The following MSRB2 variants were observed in gnomAD, a reference collection of about 807,000 sequenced individuals.
MSRB2 encodes methionine-R-sulfoxide reductase B2, mitochondrial.
In MSRB2, 17 loss-of-function variants were observed where a neutral mutation model predicts 19.0. The observed-to-expected ratio is 0.89, with a 90% CI of 0.61 to 1.34. The LOEUF is 1.34. MSRB2 is among the 40% of genes most tolerant of loss of function. MSRB2 has a pLI of 0.00. For synonymous variants in MSRB2, 107 were observed against 99.7 expected, an observed-to-expected ratio of 1.07 and a Z score of -0.44; for missense variants, 208 against 237.6, an observed-to-expected ratio of 0.88 and a Z score of 0.82.
rs988832837 is a variant in MSRB2, at chr10:23,121,956, C to A, written c.*1094C>A. The A allele has an allele frequency of 6.6e-6, 1 of 152,148 alleles. No individual in the cohort carries two copies. The highest frequency in any genetic ancestry group is 1.5e-5 in the Non-Finnish European group (1 of 68,036). 9.4% of individuals were successfully genotyped at this position (152,148 alleles called of 1,614,324 possible). A position where few individuals can be genotyped will look rare whatever the true frequency, so the allele number is the denominator to read the frequency against. On this transcript the variant is annotated 3_prime_UTR_variant, in exon 5 of 5. Transcript: ENST00000376510. Reference sequence around the variant, plus strand: ...TTATGAATAAATGTTCACCTTCATACCTTCTGGTTACAAAGCTAAACTTTA... The same window carrying A: ...TTATGAATAAATGTTCACCTTCATAACTTCTGGTTACAAAGCTAAACTTTA...
chr10:23,120,853 G>A lies in MSRB2; in HGVS notation c.540G>A (p.Arg180=), dbSNP rs1840174034. Reference sequence around the variant, plus strand: ...GTGTGGCTTTGAAGTTCAAACCAAGGAAACACTGACCATCTTCAAGAGTCC... The same window carrying A: ...GTGTGGCTTTGAAGTTCAAACCAAGAAAACACTGACCATCTTCAAGAGTCC... ...INSVALKFKP[R]KH is the part of the protein sequence containing the mutation. The change falls in exon 5 of 5, where the codon AGG becomes AGA. Residue 180 remains arginine, a synonymous_variant. Coordinates refer to ENST00000376510, the MANE Select transcript of MSRB2 (RefSeq NM_012228.4). 6.2e-7 allele frequency: 1 copy of A among 1,613,680 alleles called. No homozygotes were observed. Among genetic ancestry groups the A allele is most frequent in the East Asian group, 2.2e-5 (1 of 44,878 alleles).
At position 23,103,570 on chromosome 10, in the gene MSRB2, A is replaced by G. The variant is rs977951505; in HGVS notation, c.119-574A>G. Reference sequence around the variant, plus strand: ...ATATGGACAAAAACCATGAAGCATCATAATAGATTATGGTAGGTCTGTTTC... The same window carrying G: ...ATATGGACAAAAACCATGAAGCATCGTAATAGATTATGGTAGGTCTGTTTC... On this transcript the variant is annotated intron_variant, in intron 1 of 4. Coordinates refer to ENST00000376510, the MANE Select transcript of MSRB2 (RefSeq NM_012228.4). Among the ~76,000 whole-genome samples, 11 of 152,336 alleles carry G rather than the reference A, an allele frequency of 7.2e-5. No individual in the cohort carries two copies. The South Asian group carries it at 8.3e-4, about 11-fold the overall frequency.
At chr10:23,107,597 C>G (rs955601601) in intron 2 of MSRB2, among the ~76,000 whole-genome samples, 14 of 152,176 alleles carry the variant, frequency 9.2e-5, no homozygotes, top group African/African-American at 3.4e-4. Context: ...TGTGGAAACT[C>G]CCCCCTTCGT....
chr10:23,113,819 C>A (rs374909258), intron 3 of MSRB2, among the ~76,000 whole-genome samples: 18 of 152,196 alleles, frequency 1.2e-4, no homozygotes, highest in Admixed American at 3.9e-4. Flanking sequence ...AGACTGCCTA[C>A]CTTAGAAGGT....
rs1839850990 is a variant in MSRB2 at position 23,095,649 on chromosome 10, G to C, written c.41G>C (p.Gly14Ala). ...TGGTTGCTCCGGGGCCTGACCCTCG[G>C]AACTGCGCCTCGGCGGGCGGTGCGG... ...LLWLLRGLTL[G>A]TAPRRAVRGQ... The change falls in exon 1 of 5, where the codon GGA becomes GCA. Residue 14 changes from glycine to alanine, a missense_variant. Transcript: ENST00000376510. 1 of 1,438,062 alleles carries C rather than the reference G, an allele frequency of 7.0e-7. No individual in the cohort carries two copies. Among genetic ancestry groups the C allele is most frequent in the Admixed American group, 2.7e-5 (1 of 37,384 alleles). The allele number at this position is 1,438,062 out of a possible 1,614,324, so 89.1% of individuals were successfully genotyped here.
At chr10:23,102,822 G>A (rs1839939986) in intron 1 of MSRB2, among the ~76,000 whole-genome samples, 1 of 152,068 alleles carries the variant, frequency 6.6e-6, no homozygotes, top group Non-Finnish European at 1.5e-5. Context: ...TTGACATTCT[G>A]CGTGATAACT....
In MSRB2 at chr10:23,120,867, C is replaced by T; in HGVS notation, c.*5C>T. ...TTCAAACCAAGGAAACACTGACCAT[C>T]TTCAAGAGTCCCGTTCCCTTGCCAC... On this transcript the variant is annotated 3_prime_UTR_variant, in exon 5 of 5. Coordinates refer to ENST00000376510, the MANE Select transcript of MSRB2 (RefSeq NM_012228.4). The T allele has an allele frequency of 6.2e-7, 1 of 1,609,730 alleles. No individual in the cohort carries two copies. The highest frequency in any genetic ancestry group is 8.5e-7 in the Non-Finnish European group (1 of 1,176,452).
rs115472383 is a variant in MSRB2 at position 23,114,553 on chromosome 10, G to A, written c.296+4235G>A. Among the ~76,000 whole-genome samples, 1,091 of 152,218 alleles carry A rather than the reference G, an allele frequency of 7.2e-3. 17 individuals are homozygous for A. The highest frequency in any genetic ancestry group is 0.026 in the South Asian group (123 of 4,816). ...TAAAGAATTTAACTAACTTGTTCCA[G>A]GTCACTTGTCTAGTAAGTGATAGTG... On this transcript the variant is annotated intron_variant, in intron 3 of 4. Coordinates refer to ENST00000376510, the MANE Select transcript of MSRB2 (RefSeq NM_012228.4).
chr10:23,117,652 C>G (rs1453301923), intron 3 of MSRB2, among the ~76,000 whole-genome samples: 1 of 152,162 alleles, frequency 6.6e-6, no homozygotes, highest in Non-Finnish European at 1.5e-5. Flanking sequence ...GCTCTGTTGA[C>G]TGATCTCCAC....
intron 1 of MSRB2, among the ~76,000 whole-genome samples, chr10:23,102,585 A>G (rs1190088324): frequency 6.6e-6 from 1 of 152,222 alleles, no homozygotes; most frequent in Non-Finnish European, 1.5e-5. Flanking sequence ...GCATCACATC[A>G]GGAAGACAGG....
At chr10:23,110,749 T>G (rs1478636108) in intron 3 of MSRB2, among the ~76,000 whole-genome samples, 1 of 152,136 alleles carries the variant, frequency 6.6e-6, no homozygotes, top group Non-Finnish European at 1.5e-5. Context: ...AAATGTAGAA[T>G]TTTATGAGGA....
chr10:23,118,995 T>C, intron 3 of MSRB2: 1 of 504,192 alleles, frequency 2.0e-6, no homozygotes, highest in South Asian at 1.5e-5. Context: ...ATGGGTTTGA[T>C]CTGTGTTACC....
rs1211406128 is a variant in MSRB2 at position 23,110,197 on chromosome 10, A to G, written c.220-45A>G. On this transcript the variant is annotated intron_variant, in intron 2 of 4. Coordinates refer to ENST00000376510, the MANE Select transcript of MSRB2 (RefSeq NM_012228.4). ...TAAATCTGCTGTTTCAACTCCTGCC[A>G]GTAGTATGAGAAATCTGAACATGAC... 5 of 1,466,546 alleles carry G rather than the reference A, an allele frequency of 3.4e-6. No homozygotes were observed. In the Admixed American group the frequency reaches 8.4e-5, roughly 25 times the overall value. 90.8% of individuals were successfully genotyped at this position (1,466,546 alleles called of 1,614,324 possible). A position where few individuals can be genotyped will look rare whatever the true frequency, so the allele number is the denominator to read the frequency against.
chr10:23,118,804 T>C (rs1016262065), intron 3 of MSRB2, among the ~76,000 whole-genome samples: 5 of 152,172 alleles, frequency 3.3e-5, no homozygotes, highest in African/African-American at 1.2e-4. Flanking sequence ...AGCTAAGAAG[T>C]GGCCAGAGGC....
intron 2 of MSRB2, among the ~76,000 whole-genome samples, chr10:23,108,933 C>T (rs1188014575): frequency 6.6e-6 from 1 of 151,634 alleles, no homozygotes; most frequent in Non-Finnish European, 1.5e-5. Context: ...AGATGGTAGG[C>T]TCAGTAGGTT....
chr10:23,106,319 A>C (rs895863885), intron 2 of MSRB2, among the ~76,000 whole-genome samples: 1 of 152,224 alleles, frequency 6.6e-6, no homozygotes, highest in African/African-American at 2.4e-5. Flanking sequence ...GGTGACTCTA[A>C]ATTAAAATTC....
chr10:23,115,026 C>G (rs1459674011), intron 3 of MSRB2, among the ~76,000 whole-genome samples: 1 of 152,142 alleles, frequency 6.6e-6, no homozygotes, highest in Non-Finnish European at 1.5e-5. Flanking sequence ...GAGCCTTGTT[C>G]CCAGCCTCAT....
Position 23,096,352 on chromosome 10 carries a change from C to CTCTGTGTGTGTGTGTGTGTGTGTGTGTG in MSRB2, c.118+627_118+628insCTGTGTGTGTGTGTGTGTGTGTGTGTGT, listed in dbSNP as rs144653384. Among the ~76,000 whole-genome samples the CTCTGTGTGTGTGTGTGTGTGTGTGTGTG allele has an allele frequency of 2.5e-3, 353 of 142,816 alleles. 3 individuals are homozygous for CTCTGTGTGTGTGTGTGTGTGTGTGTGTG. Among genetic ancestry groups the CTCTGTGTGTGTGTGTGTGTGTGTGTGTG allele is most frequent in the South Asian group, 0.011 (51 of 4,514 alleles). 93.7% of individuals were successfully genotyped at this position (142,816 alleles called of 152,430 possible). ...TGTGTGTGTGTGTCTCTCTCTCTCTCTGTGTGTGTGTGTGTGTGTGTTTCT... is the reference window on the plus strand; with the variant it reads ...TGTGTGTGTGTGTCTCTCTCTCTCTCTCTGTGTGTGTGTGTGTGTGTGTGTGTGTGTGTGTGTGTGTGTGTGTGTTTCT... On this transcript the variant is annotated intron_variant, in intron 1 of 4. Transcript: ENST00000376510.
Position 23,114,892 on chromosome 10 carries a change from C to A in MSRB2, c.297-4412C>A, listed in dbSNP as rs113653609. 4.1e-3 allele frequency among the ~76,000 whole-genome samples: 627 copies of A among 152,278 alleles called. 3 individuals carry two copies. The highest frequency in any genetic ancestry group is 5.7e-3 in the Non-Finnish European group (391 of 68,016). On this transcript the variant is annotated intron_variant, in intron 3 of 4. Transcript: ENST00000376510. The stretch of plus-strand genomic sequence containing the variant: ...TTCCATTAAGCCACACGGGCAGCTC[C>A]GTTGACATAGGTGCCATCGCCTTTT...
Sources: gnomAD v4.1 joint callset for allele counts (sites outside exome capture counted in the v4.1 genomes callset) on GRCh38, gnomAD v4.1.1 for gene constraint, MANE v1.5 for transcripts, NCBI Gene and HGNC (gene_info 2026-07-23, HGNC 2026-07-21) for gene names.